The following ADCK5 variants were observed in gnomAD, a reference collection of about 807,000 sequenced individuals.
ADCK5 encodes aarF domain containing kinase 5.
In ADCK5, 43 loss-of-function variants were observed where a neutral mutation model predicts 64.9. That is an observed-to-expected ratio of 0.66 (90% CI 0.52 to 0.85). The LOEUF (loss-of-function observed/expected upper bound fraction) is 0.85. ADCK5 is among the 40% of genes least tolerant of loss of function. ADCK5 has a pLI of 0.00. For missense variants in ADCK5, 760 were observed against 810.5 expected (o/e 0.94, Z 0.76); for synonymous variants, 434 against 342.8 (o/e 1.27, Z -2.94).
At chr8:144,392,417 C>CAGCCA in intron 12 of ADCK5, 28 bp from the exon 13 acceptor site, 1 of 1,325,714 alleles carries the variant, frequency 7.5e-7, no homozygotes, top group Non-Finnish European at 9.8e-7. Flanking sequence ...TCAGAGCCCC[C>CAGCCA]TCCCTCCCTC....
rs1554860524 is a variant in ADCK5 at position 144,391,408 on chromosome 8, C to T, written c.732C>T (p.Thr244=). The T allele has an allele frequency of 2.5e-6, 4 of 1,613,236 alleles. No homozygotes were observed. Among genetic ancestry groups the T allele is most frequent in the East Asian group, 2.2e-5 (1 of 44,880 alleles). The change falls in exon 7 of 15, where the codon ACC becomes ACT. Residue 244 remains threonine (T), a synonymous_variant. Coordinates refer to ENST00000308860, the MANE Select transcript of ADCK5 (RefSeq NM_174922.5). ...ACCGCTTTGATGGGGACATCCACAC[C>T]CTGGAGCTCCTGCTGCGGCTCGTTG... ...LRDRFDGDIH[T]LELLLRLVEV...
At chr8:144,392,739 T>A (rs1820363243) in intron 13 of ADCK5, 37 bp from the exon 14 acceptor site, 8 of 1,587,480 alleles carry the variant, frequency 5.0e-6, no homozygotes, top group Non-Finnish European at 6.9e-6. Flanking sequence ...GTGGGGCTGG[T>A]GTGGGGCTGA....
intron 3 of ADCK5, among the ~76,000 whole-genome samples, chr8:144,383,927 C>T (rs1361656060): frequency 8.3e-6 from 1 of 120,818 alleles, no homozygotes; most frequent in Non-Finnish European, 1.6e-5. Flanking sequence ...GAGTCTCGCT[C>T]TGTCACCCAG....
intron 3 of ADCK5, among the ~76,000 whole-genome samples, 169 bp downstream of exon 3, chr8:144,383,399 G>T (rs899240302): frequency 2.0e-5 from 3 of 152,202 alleles, no homozygotes; most frequent in Non-Finnish European, 4.4e-5. Context: ...TCCTACATGG[G>T]AAGGTGCTGG....
chr8:144,392,330 G>C lies in ADCK5; in HGVS notation c.1252G>C (p.Ala418Pro). 4 of 1,497,148 alleles carry C rather than the reference G, an allele frequency of 2.7e-6. No homozygotes were observed. Among genetic ancestry groups the C allele is most frequent in the Non-Finnish European group, 3.5e-6 (4 of 1,126,784 alleles). 92.7% of individuals were successfully genotyped at this position (1,497,148 alleles called of 1,614,324 possible). Residue 418 changes from alanine (A) to proline (P), a missense_variant, in exon 12 of 15, where the codon GCA becomes CCA. Ala to Pro is a conservative substitution (Grantham distance 27). Around this residue, in one of 2 missense-constraint regions of ADCK5, gnomAD observed 333 missense variants for 292.0 expected, o/e 1.14. Coordinates refer to ENST00000308860, the MANE Select transcript of ADCK5 (RefSeq NM_174922.5). The part of the protein sequence containing the change: ...DDAAMRAHAA[A>P]LGVQDYLLFA... ...CGCCGCCATGAGGGCGCACGCAGCC[G>C]CACTGGGGGTGCAAGGTGAGGGCGT... is the stretch of plus-strand genomic sequence containing the variant.
Position 144,383,243 on chromosome 8 carries a change from G to C in ADCK5, c.266+13G>C, listed in dbSNP as rs781906134. 1 of 1,558,392 alleles carries C rather than the reference G, an allele frequency of 6.4e-7. No homozygotes were observed. Among genetic ancestry groups the C allele is most frequent in the African/African-American group, 1.3e-5 (1 of 74,142 alleles). On this transcript the variant is annotated intron_variant, in intron 3 of 14. Coordinates refer to ENST00000308860, the MANE Select transcript of ADCK5 (RefSeq NM_174922.5). ...GGCGCTTTGGCAGGTAGGAGGGCCT[G>C]GCGGCAGGCAGGGGTTGCGGCGTGG... is the stretch of plus-strand genomic sequence containing the variant.
chr8:144,390,719 C>T lies in ADCK5; in HGVS notation c.315C>T (p.Thr105=). The change falls in exon 4 of 15, where the codon ACC becomes ACT. Residue 105 remains threonine (T), a synonymous_variant. Coordinates refer to ENST00000308860, the MANE Select transcript of ADCK5 (RefSeq NM_174922.5). ...TCTCCCTGGACTACTGGTGGTGCAC[C>T]AATGTTGTCCTTCGAGGGGTGGAAG... ...LQISLDYWWC[T]NVVLRGVEEN... The T allele has an allele frequency of 6.2e-7, 1 of 1,613,882 alleles. No individual in the cohort carries two copies. The highest frequency in any genetic ancestry group is 8.5e-7 in the Non-Finnish European group (1 of 1,179,972).
chr8:144,392,141 C>T lies in ADCK5; in HGVS notation c.1146C>T (p.Asp382=). 2 of 1,606,938 alleles carry T rather than the reference C, an allele frequency of 1.2e-6. No homozygotes were observed. Among genetic ancestry groups the T allele is most frequent in the Admixed American group, 1.7e-5 (1 of 59,386 alleles). Residue 382 remains aspartate (D), a synonymous_variant, in exon 11 of 15, where the codon GAC becomes GAT. Coordinates refer to ENST00000308860, the MANE Select transcript of ADCK5 (RefSeq NM_174922.5). ...GGAAAGCGGAGCTGGTGCTGCTGGA[C>T]CACGGGCTCTACCAGTTCCTGGAGG... ...PDGKAELVLL[D]HGLYQFLEEK... is the part of the protein sequence containing the mutation.
rs782072777 is a variant in ADCK5, at chr8:144,391,564, G to T, written c.799-16G>T. ...TGGTAGGCAGAGCTGGTCTTCAACC[G>T]CCATCTGGCCCCCAGGACCTGAAGG... On this transcript the variant is annotated splice_polypyrimidine_tract_variant and intron_variant, in intron 7 of 14. Coordinates refer to ENST00000308860, the MANE Select transcript of ADCK5 (RefSeq NM_174922.5). 1.3e-6 allele frequency: 2 copies of T among 1,581,862 alleles called. No homozygotes were observed. Among genetic ancestry groups the T allele is most frequent in the Non-Finnish European group, 1.7e-6 (2 of 1,169,398 alleles).
At position 144,391,944 on chromosome 8, in the gene ADCK5, G is replaced by A; in HGVS notation, c.1018G>A (p.Ala340Thr). Residue 340 changes from alanine to threonine, a missense_variant, in exon 10 of 15, where the codon GCA becomes ACA. This residue lies in a region of ADCK5 where 427 missense variants were observed against 518.4 expected (regional missense o/e 0.82). Transcript: ENST00000308860. ...GCAATGCCTCTCCTCTCCCCAGATA[G>A]CAGAAAAGCTCATCAAGGCCTTTGC... ...RSQGLAVHDIAEKLIKAFAEQ... is the reference protein window; with the variant it reads ...RSQGLAVHDITEKLIKAFAEQ... 6.2e-7 allele frequency: 1 copy of A among 1,612,626 alleles called. No individual in the cohort carries two copies. Among genetic ancestry groups the A allele is most frequent in the Non-Finnish European group, 8.5e-7 (1 of 1,179,986 alleles).
Position 144,391,092 on chromosome 8 carries a change from C to G in ADCK5, c.543+36C>G, listed in dbSNP as rs782751718. The G allele has an allele frequency of 3.1e-6, 5 of 1,610,544 alleles. No individual in the cohort carries two copies. The African/African-American group carries it at 6.7e-5, about 21-fold the overall frequency. ...GCTCAGGCCGAGGGAGGTGGGGCCTCCAGCAGTGGCCCCAGGCTGCTCTGA... is the reference window on the plus strand; with the variant it reads ...GCTCAGGCCGAGGGAGGTGGGGCCTGCAGCAGTGGCCCCAGGCTGCTCTGA... On this transcript the variant is annotated intron_variant, in intron 5 of 14. Transcript: ENST00000308860.
intron 3 of ADCK5, among the ~76,000 whole-genome samples, chr8:144,388,028 G>A (rs957484526): frequency 1.3e-5 from 2 of 151,586 alleles, no homozygotes; most frequent in African/African-American, 2.4e-5. Context: ...CACCACACCC[G>A]GCCTCCAACA....
At chr8:144,375,716 T>G (rs993752132) in intron 1 of ADCK5, 48 of 941,316 alleles carry the variant, frequency 5.1e-5, no homozygotes, top group Middle Eastern at 5.5e-4. Flanking sequence ...ACGGGAGGTG[T>G]TTCCGTTTGT....
chr8:144,393,057 C>G lies in ADCK5; in HGVS notation c.1726C>G (p.Gln576Glu), dbSNP rs781836012. Residue 576 changes from glutamine (Q) to glutamate (E), a missense_variant, in exon 15 of 15, where the codon CAG becomes GAG. Physicochemically the swap from Gln to Glu is conservative, Grantham distance 29. Coordinates refer to ENST00000308860, the MANE Select transcript of ADCK5 (RefSeq NM_174922.5). ...CGTGCCCCCAGCGGAGGAGCTCTAC[C>G]AGTACCTGGAGACCTAGGGTGCAGC... ...SLVPPAEELY[Q>E]YLET The G allele has an allele frequency of 1.3e-6, 2 of 1,583,038 alleles. No homozygotes were observed. The highest frequency in any genetic ancestry group is 8.6e-7 in the Non-Finnish European group (1 of 1,168,934).
At chr8:144,390,636 GC>G in intron 3 of ADCK5, 34 bp from the exon 4 acceptor site, 2 of 1,607,440 alleles carry the variant, frequency 1.2e-6, no homozygotes, top group East Asian at 4.5e-5. Context: ...CCCCGAGCCT[GC>G]CCCGCTGGAG....
chr8:144,381,400 C>T (rs1180928087), intron 2 of ADCK5, among the ~76,000 whole-genome samples: 1 of 136,564 alleles, frequency 7.3e-6, no homozygotes, highest in African/African-American at 2.8e-5. Context: ...GCTCAGGCAC[C>T]TGCTGCACTC....
intron 2 of ADCK5, 97 bp downstream of exon 2, chr8:144,379,587 C>T (rs1819511661): frequency 9.8e-7 from 1 of 1,021,414 alleles, no homozygotes. Context: ...CAAGGCTGGA[C>T]CTTCTCCTGT....
intron 2 of ADCK5, among the ~76,000 whole-genome samples, chr8:144,381,672 C>G (rs868944669): frequency 6.3e-4 from 66 of 104,538 alleles, no homozygotes; most frequent in South Asian, 6.1e-4. Context: ...TCAGGCACCT[C>G]CCGCAGTCAG....
At chr8:144,375,585 T>C (rs1292410660) in intron 1 of ADCK5, 2 of 985,324 alleles carry the variant, frequency 2.0e-6, no homozygotes, top group Non-Finnish European at 2.4e-6. Context: ...CGGACATGCA[T>C]GTGGTTCTGC....
Sources: allele counts gnomAD v4.1 joint callset (sites outside exome capture counted in the v4.1 genomes callset), GRCh38; gene constraint gnomAD v4.1.1; regional missense constraint gnomAD v4.1.1; transcripts MANE v1.5; gene names NCBI Gene and HGNC (gene_info 2026-07-23, HGNC 2026-07-21).